Variants in TMEM132B observed in about 807,000 individuals in gnomAD.
TMEM132B encodes the protein transmembrane protein 132B.
TMEM132B carries 18 observed loss-of-function variants against 90.8 expected under a neutral mutation model. That is an observed-to-expected ratio of 0.20 (90% CI 0.14 to 0.29). TMEM132B has a LOEUF of 0.29. Among genes scored for constraint, TMEM132B ranks in the 10% least tolerant of loss-of-function variants. TMEM132B has a pLI of 1.00. For synonymous variants in TMEM132B, 504 were observed against 523.3 expected, an observed-to-expected ratio of 0.96 and a Z score of 0.50; for missense variants, 1,096 against 1,326.8, an observed-to-expected ratio of 0.83 and a Z score of 2.70.
At chr12:125,259,760 C>T (rs769899144) in intron 1 of TMEM132B, among the ~76,000 whole-genome samples, 31 of 152,254 alleles carry the variant, frequency 2.0e-4, no homozygotes, top group South Asian at 1.2e-3. Flanking sequence ...AGGCAGCACA[C>T]GAGGACTTAA....
intron 3 of TMEM132B, among the ~76,000 whole-genome samples, chr12:125,487,467 A>G (rs1882233293): frequency 1.3e-5 from 2 of 152,226 alleles, no homozygotes; most frequent in Admixed American, 1.3e-4. Context: ...ACATCCAAGT[A>G]GCTACAAACA....
intron 2 of TMEM132B, among the ~76,000 whole-genome samples, chr12:125,376,416 G>T (rs1164957388): frequency 7.2e-5 from 11 of 152,140 alleles, no homozygotes; most frequent in Admixed American, 7.2e-4. Context: ...GAGTGACAGG[G>T]CACGGGATGC....
chr12:125,477,598 CT>C (rs1881920764), intron 3 of TMEM132B, among the ~76,000 whole-genome samples: 1 of 151,876 alleles, frequency 6.6e-6, no homozygotes, highest in African/African-American at 2.4e-5. Context: ...TTTTTTTCAA[CT>C]TTAGTTAATA....
chr12:125,492,806 G>C lies in TMEM132B; in HGVS notation c.1107-26633G>C, dbSNP rs1882389791. On this transcript the variant is annotated intron_variant, in intron 3 of 8. Coordinates refer to ENST00000682704, the MANE Select transcript of TMEM132B (RefSeq NM_001366854.1). This position sits in a 1 kb window ranked among gnomAD's most constrained non-coding sequence, Gnocchi z 5.8. ...TCTCACTTGGCTCCAAAATGGGCTGGGCCCTGTGTCAGGCTCCAGGGATAG... is the reference window on the plus strand; with the variant it reads ...TCTCACTTGGCTCCAAAATGGGCTGCGCCCTGTGTCAGGCTCCAGGGATAG... Among the ~76,000 whole-genome samples the C allele has an allele frequency of 6.6e-6, 1 of 152,160 alleles. No individual in the cohort carries two copies.
chr12:125,547,854 C>T (rs926264676), intron 4 of TMEM132B, among the ~76,000 whole-genome samples: 2 of 152,192 alleles, frequency 1.3e-5, no homozygotes, highest in Non-Finnish European at 2.9e-5. Flanking sequence ...AAACAGCCAA[C>T]TCTGTGATCT....
At chr12:125,358,153 G>C (rs528078708) in intron 2 of TMEM132B, among the ~76,000 whole-genome samples, 1 of 152,190 alleles carries the variant, frequency 6.6e-6, no homozygotes, top group African/African-American at 2.4e-5. Context: ...CTATGGGGGG[G>C]AGACAGCAAA....
intron 3 of TMEM132B, among the ~76,000 whole-genome samples, chr12:125,482,571 C>T (rs973992913): frequency 3.3e-5 from 5 of 152,096 alleles, no homozygotes; most frequent in Non-Finnish European, 2.9e-5. Context: ...GTTAGAATGG[C>T]GATCATTAAA....
intron 1 of TMEM132B, among the ~76,000 whole-genome samples, chr12:125,247,700 A>C (rs11610234): frequency 1.3e-5 from 2 of 151,844 alleles, no homozygotes; most frequent in African/African-American, 4.8e-5. Context: ...ATTAGAGAAC[A>C]GCATCCCCCT....
chr12:125,525,921 G>A (rs1566063450), intron 4 of TMEM132B, among the ~76,000 whole-genome samples: 1 of 152,184 alleles, frequency 6.6e-6, no homozygotes, highest in Non-Finnish European at 1.5e-5. Context: ...GCACCCTGGG[G>A]GAAGTTGCCT....
intron 4 of TMEM132B, among the ~76,000 whole-genome samples, chr12:125,531,577 G>A (rs2136697409): frequency 6.6e-6 from 1 of 152,258 alleles, no homozygotes; most frequent in Admixed American, 6.5e-5. Flanking sequence ...AAGTTTGTCA[G>A]TATAATTACC....
intron 4 of TMEM132B, among the ~76,000 whole-genome samples, chr12:125,522,295 C>T (rs1883328006): frequency 1.3e-5 from 2 of 152,100 alleles, no homozygotes. Context: ...CAGTCTAGGT[C>T]CAGCCATAAG....
chr12:125,236,443 C>T (rs149045322), intron 1 of TMEM132B, among the ~76,000 whole-genome samples: 2 of 152,302 alleles, frequency 1.3e-5, no homozygotes, highest in African/African-American at 2.4e-5. Context: ...AGGTGTGAGC[C>T]ACCGCTCCCG....
At chr12:125,330,471 A>G (rs1876734212) in intron 1 of TMEM132B, among the ~76,000 whole-genome samples, 1 of 150,612 alleles carries the variant, frequency 6.6e-6, no homozygotes, top group Admixed American at 6.6e-5. Flanking sequence ...ACAAATGACA[A>G]CAAGAAATTT....
chr12:125,648,193 G>T (rs1002438190), intron 6 of TMEM132B, among the ~76,000 whole-genome samples: 1 of 151,730 alleles, frequency 6.6e-6, no homozygotes, highest in Non-Finnish European at 1.5e-5. Flanking sequence ...TGAGAATGAT[G>T]GTTTCCAATT....
chr12:125,431,455 A>G (rs1373441559), intron 3 of TMEM132B, among the ~76,000 whole-genome samples: 2 of 152,206 alleles, frequency 1.3e-5, no homozygotes, highest in Non-Finnish European at 2.9e-5. Flanking sequence ...GGCTTTGAGC[A>G]TGGGCAGAAG....
chr12:125,343,010 G>A (rs1166869371), intron 1 of TMEM132B, among the ~76,000 whole-genome samples: 5 of 152,136 alleles, frequency 3.3e-5, no homozygotes, highest in South Asian at 4.1e-4. Flanking sequence ...TGAATGAATC[G>A]TGTTTCAAAT....
At chr12:125,397,458 C>G (rs1879200094) in intron 2 of TMEM132B, among the ~76,000 whole-genome samples, 1 of 152,178 alleles carries the variant, frequency 6.6e-6, no homozygotes. Context: ...ATTTTTAGTT[C>G]TTAATTACTC....
chr12:125,338,321 G>A (rs1051852065), intron 1 of TMEM132B, among the ~76,000 whole-genome samples: 5 of 152,162 alleles, frequency 3.3e-5, no homozygotes, highest in African/African-American at 7.2e-5. Flanking sequence ...TGTCCTCAGC[G>A]TGTACCTTTG....
intron 3 of TMEM132B, among the ~76,000 whole-genome samples, chr12:125,462,358 G>A (rs563792980): frequency 1.7e-3 from 252 of 151,928 alleles, no homozygotes; most frequent in African/African-American, 5.9e-3. Flanking sequence ...AGCTATGTGT[G>A]CTATGCCTGG....
Sources: allele counts gnomAD v4.1 joint callset (sites outside exome capture counted in the v4.1 genomes callset), GRCh38; gene constraint gnomAD v4.1.1; non-coding constraint Gnocchi (gnomAD v3.1); transcripts MANE v1.5; gene names NCBI Gene and HGNC (gene_info 2026-07-23, HGNC 2026-07-21).